The following SLC9A7 variants were observed in gnomAD, a reference collection of about 807,000 sequenced individuals.
SLC9A7 encodes the protein solute carrier family 9 member A7, also known as sodium/hydrogen exchanger 7.
Under a neutral mutation model 52.6 loss-of-function variants are expected in SLC9A7, and 19 were observed. That is an observed-to-expected ratio of 0.36 (90% confidence interval 0.25 to 0.53). The LOEUF (loss-of-function observed/expected upper bound fraction) is 0.53. Ranked by LOEUF, SLC9A7 falls within the 20% of genes least tolerant of loss-of-function variation. The pLI is 0.91. For synonymous variants in SLC9A7, 226 were observed against 252.1 expected (o/e 0.90, Z 0.98); for missense variants, 455 against 597.9 (o/e 0.76, Z 2.49).
At chrX:46,677,292 T>C (rs1944135591) in intron 3 of SLC9A7, among the ~76,000 whole-genome samples, 1 of 111,960 alleles carries the variant, frequency 8.9e-6, no homozygotes, top group Non-Finnish European at 1.9e-5. Flanking sequence ...CTAGGATCTC[T>C]CCATTTCAGC....
At chrX:46,741,726 C>T (rs1428867039) in intron 1 of SLC9A7, among the ~76,000 whole-genome samples, 2 of 110,528 alleles carry the variant, frequency 1.8e-5, no homozygotes, top group Non-Finnish European at 3.8e-5. Flanking sequence ...ATCTTCTCAA[C>T]CTGGGATTAT....
intron 1 of SLC9A7, among the ~76,000 whole-genome samples, chrX:46,738,110 A>AAAG (rs1921018851): frequency 6.2e-5 from 3 of 48,486 alleles, no homozygotes; most frequent in African/African-American, 1.3e-4. Context: ...AAAGAAAGAG[A>AAAG]AAAGAAAAGA....
chrX:46,608,046 C>T (rs888423869), intron 16 of SLC9A7, among the ~76,000 whole-genome samples: 1 of 112,372 alleles, frequency 8.9e-6, no homozygotes, highest in Non-Finnish European at 1.9e-5. Context: ...CATCTGAAGT[C>T]CTGCATCCTC....
chrX:46,756,786 C>T lies in SLC9A7; in HGVS notation c.325+1919G>A, dbSNP rs1922700949. Among the ~76,000 whole-genome samples, 5 of 112,095 alleles carry T rather than the reference C, an allele frequency of 4.5e-5. No homozygotes were observed. In the Admixed American group the frequency reaches 4.7e-4, roughly 11 times the overall value. On this transcript the variant is annotated intron_variant, in intron 1 of 16. Coordinates refer to ENST00000616978, the MANE Select transcript of SLC9A7 (RefSeq NM_001257291.2). ...GATATTGCCTTTTCTGAACAGCCAT[C>T]AGTTACACTAGATTTGTAACTTGAT...
chrX:46,711,899 T>TACACACAC (rs57570264), intron 1 of SLC9A7, among the ~76,000 whole-genome samples: 8,382 of 90,885 alleles, frequency 0.092, 484 homozygotes, highest in East Asian at 0.25. Flanking sequence ...GCCTCTAAAT[T>TACACACAC]ACACACACAC....
At chrX:46,656,375 T>A (rs1943691922) in intron 7 of SLC9A7, among the ~76,000 whole-genome samples, 2 of 113,469 alleles carry the variant, frequency 1.8e-5, no homozygotes, top group African/African-American at 6.4e-5. Context: ...GGACAGAGAA[T>A]GACTTTGATG....
At chrX:46,748,330 G>A (rs1431910356) in intron 1 of SLC9A7, among the ~76,000 whole-genome samples, 1 of 85,041 alleles carries the variant, frequency 1.2e-5, no homozygotes, top group South Asian at 6.3e-4. Flanking sequence ...TGGGCAACAA[G>A]AGTGAAACTC....
At chrX:46,673,015 A>G (rs912071110) in intron 3 of SLC9A7, among the ~76,000 whole-genome samples, 3 of 112,250 alleles carry the variant, frequency 2.7e-5, no homozygotes, top group African/African-American at 9.7e-5. Flanking sequence ...GTGGTACCTC[A>G]GAAGATCATC....
intron 1 of SLC9A7, among the ~76,000 whole-genome samples, chrX:46,741,440 T>A (rs1056649719): frequency 5.4e-5 from 6 of 111,511 alleles, no homozygotes; most frequent in African/African-American, 2.0e-4. Context: ...GATACACAGA[T>A]CAGTGGAATA....
intron 8 of SLC9A7, among the ~76,000 whole-genome samples, chrX:46,651,682 A>G (rs1006929245): frequency 9.1e-6 from 1 of 109,719 alleles, no homozygotes; most frequent in Non-Finnish European, 1.9e-5. Context: ...ACAAAAAATT[A>G]GCCGGATGTG....
intron 1 of SLC9A7, among the ~76,000 whole-genome samples, chrX:46,703,597 A>G (rs1944563482): frequency 8.9e-6 from 1 of 111,888 alleles, no homozygotes; most frequent in African/African-American, 3.2e-5. Flanking sequence ...GCTGTTGCTC[A>G]CTTATTCCAA....
chrX:46,699,158 T>A (rs779828211), intron 1 of SLC9A7, among the ~76,000 whole-genome samples: 72 of 112,149 alleles, frequency 6.4e-4, no homozygotes, highest in African/African-American at 2.3e-3. Flanking sequence ...AAATACACCA[T>A]CAATTTTAAG....
At chrX:46,709,172 G>A (rs777876029) in intron 1 of SLC9A7, among the ~76,000 whole-genome samples, 2 of 111,316 alleles carry the variant, frequency 1.8e-5, no homozygotes, top group South Asian at 3.8e-4. Flanking sequence ...AGGAGGCTAA[G>A]GCAGGAGGAT....
chrX:46,671,680 G>A (rs1944027222), intron 4 of SLC9A7, among the ~76,000 whole-genome samples: 1 of 111,898 alleles, frequency 8.9e-6, no homozygotes, highest in African/African-American at 3.3e-5. Flanking sequence ...TGGTTAGACT[G>A]AGGTAATGTG....
intron 1 of SLC9A7, among the ~76,000 whole-genome samples, chrX:46,757,458 G>A (rs1000914396): frequency 8.9e-6 from 1 of 112,542 alleles, no homozygotes; most frequent in Non-Finnish European, 1.9e-5. Context: ...CATGAGCCCC[G>A]GCTGTCAACA....
intron 3 of SLC9A7, among the ~76,000 whole-genome samples, chrX:46,677,265 C>T (rs1386665581): frequency 2.7e-5 from 3 of 111,769 alleles, no homozygotes; most frequent in African/African-American, 6.5e-5. Flanking sequence ...GGCAGCTTTG[C>T]GCAGGCCCAA....
At chrX:46,757,178 T>A (rs782232204) in intron 1 of SLC9A7, among the ~76,000 whole-genome samples, 1 of 111,932 alleles carries the variant, frequency 8.9e-6, no homozygotes, top group Non-Finnish European at 1.9e-5. Context: ...CGTGCTTCAA[T>A]TCCCCCCTGT....
rs182156740 is a variant in SLC9A7, at chrX:46,668,942, T to C, written c.793+665A>G. Among the ~76,000 whole-genome samples the C allele has an allele frequency of 3.3e-3, 367 of 110,620 alleles. 7 individuals carry two copies. The East Asian group carries it at 0.092, about 28-fold the overall frequency. On this transcript the variant is annotated intron_variant, in intron 5 of 16. Transcript: ENST00000616978. ...CAGCACTTTGGGAGGCCAAGGCGGGTGGATCACGAAGTCAGGAGATCGAGA... is the reference window on the plus strand; with the variant it reads ...CAGCACTTTGGGAGGCCAAGGCGGGCGGATCACGAAGTCAGGAGATCGAGA...
chrX:46,735,259 C>T (rs1362231116), intron 1 of SLC9A7, among the ~76,000 whole-genome samples: 1 of 110,665 alleles, frequency 9.0e-6, no homozygotes, highest in African/African-American at 3.3e-5. Context: ...TTTTATTATT[C>T]AATTTATCAC....
Sources: gnomAD v4.1 joint callset for allele counts (sites outside exome capture counted in the v4.1 genomes callset) on GRCh38, gnomAD v4.1.1 for gene constraint, MANE v1.5 for transcripts, NCBI Gene and HGNC (gene_info 2026-07-23, HGNC 2026-07-21) for gene names.